Variants in CAMKMT observed in about 807,000 individuals in gnomAD.
CAMKMT encodes the protein calmodulin-lysine N-methyltransferase.
Under a neutral mutation model 48.0 loss-of-function variants are expected in CAMKMT, and 53 were observed. The ratio of observed to expected loss-of-function variants is 1.10; its 90% CI spans 0.89 to 1.39. The LOEUF (loss-of-function observed/expected upper bound fraction) is 1.39. CAMKMT is among the 40% of genes most tolerant of loss of function. The pLI is 0.00. For missense variants in CAMKMT, 428 were observed against 402.7 expected (o/e 1.06, Z -0.54); for synonymous variants, 165 against 152.3 (o/e 1.08, Z -0.61).
At chr2:44,623,708 A>C (rs1414804142) in intron 3 of CAMKMT, among the ~76,000 whole-genome samples, 4 of 152,048 alleles carry the variant, frequency 2.6e-5, no homozygotes, top group Non-Finnish European at 5.9e-5. Flanking sequence ...ATGAGTTTTA[A>C]TGAATGTATA....
rs144276541 is a variant in CAMKMT at position 44,517,025 on chromosome 2, A to C, written c.376+126720A>C. ...CCAAAGTGCTGGGATTACAGGCATG[A>C]GCCACCCTGCCCGGCCTTGTGGTTT... is the stretch of plus-strand genomic sequence containing the variant. On this transcript the variant is annotated intron_variant, in intron 3 of 10. Coordinates refer to ENST00000378494, the MANE Select transcript of CAMKMT (RefSeq NM_024766.5). Among the ~76,000 whole-genome samples, 899 of 152,226 alleles carry C rather than the reference A, an allele frequency of 5.9e-3. 11 individuals are homozygous for C. Among genetic ancestry groups the C allele is most frequent in the African/African-American group, 0.02 (847 of 41,524 alleles).
At chr2:44,746,782 T>C (rs567540131) in intron 8 of CAMKMT, among the ~76,000 whole-genome samples, 1 of 152,226 alleles carries the variant, frequency 6.6e-6, no homozygotes, top group Non-Finnish European at 1.5e-5. Context: ...TTGAGTTTAA[T>C]ATAAGGATTC....
At chr2:44,455,623 G>C (rs1667522449) in intron 3 of CAMKMT, among the ~76,000 whole-genome samples, 1 of 152,200 alleles carries the variant, frequency 6.6e-6, no homozygotes, top group South Asian at 2.1e-4. Flanking sequence ...GAGCTTGACT[G>C]CCTGGGCTTA....
chr2:44,523,770 A>ATTTTTTTTTT, intron 3 of CAMKMT, among the ~76,000 whole-genome samples: 1 of 89,880 alleles, frequency 1.1e-5, no homozygotes, highest in Non-Finnish European at 2.2e-5. Flanking sequence ...GAGAGCGAGC[A>ATTTTTTTTTT]TTTTTTTTTT....
At chr2:44,638,939 GA>G (rs1173817069) in intron 3 of CAMKMT, among the ~76,000 whole-genome samples, 6 of 152,202 alleles carry the variant, frequency 3.9e-5, no homozygotes, top group African/African-American at 1.4e-4. Context: ...TTCAAGTGGG[GA>G]AAAAGATTAT....
At chr2:44,436,084 C>G (rs1217619071) in intron 3 of CAMKMT, among the ~76,000 whole-genome samples, 1 of 151,590 alleles carries the variant, frequency 6.6e-6, no homozygotes, top group Non-Finnish European at 1.5e-5. Context: ...TTTCTTTTTT[C>G]TTGTTTTTTG....
intron 4 of CAMKMT, among the ~76,000 whole-genome samples, chr2:44,704,588 A>ATG (rs1385904446): frequency 6.6e-6 from 1 of 151,670 alleles, no homozygotes; most frequent in Non-Finnish European, 1.5e-5. Flanking sequence ...TATATGTCAA[A>ATG]GGCTTTTGAT....
chr2:44,706,613 A>ATTTTTTTTTTTTT (rs35364346), intron 5 of CAMKMT, among the ~76,000 whole-genome samples: 2 of 136,226 alleles, frequency 1.5e-5, no homozygotes, highest in Non-Finnish European at 1.6e-5. Flanking sequence ...TAGCGAAAGC[A>ATTTTTTTTTTTTT]TTTTTTTTTT....
At chr2:44,372,635 A>G in intron 1 of CAMKMT, 81 bp from the exon 2 acceptor site, 1 of 1,251,634 alleles carries the variant, frequency 8.0e-7, no homozygotes, top group Non-Finnish European at 1.1e-6. Flanking sequence ...TCCCCTTACC[A>G]CTTAAATTTT....
chr2:44,528,844 T>G lies in CAMKMT; in HGVS notation c.376+138539T>G, dbSNP rs578031819. Reference sequence around the variant, plus strand: ...TGAACTGGCAGGTTACTTAAGAAGTTTGATCTGATTCCAGGGTGTTTTTTT... The same window carrying G: ...TGAACTGGCAGGTTACTTAAGAAGTGTGATCTGATTCCAGGGTGTTTTTTT... On this transcript the variant is annotated intron_variant, in intron 3 of 10. Coordinates refer to ENST00000378494, the MANE Select transcript of CAMKMT (RefSeq NM_024766.5). Among the ~76,000 whole-genome samples, 4 of 152,242 alleles carry G rather than the reference T, an allele frequency of 2.6e-5. No homozygotes were observed. The South Asian group carries it at 8.3e-4, about 32-fold the overall frequency.
At chr2:44,608,023 C>G (rs1465299645) in intron 3 of CAMKMT, among the ~76,000 whole-genome samples, 2 of 150,340 alleles carry the variant, frequency 1.3e-5, no homozygotes, top group African/African-American at 4.9e-5. Context: ...TCCTTAAATA[C>G]TTTCATATGT....
chr2:44,601,746 A>C (rs931935089), intron 3 of CAMKMT, among the ~76,000 whole-genome samples: 2 of 151,870 alleles, frequency 1.3e-5, no homozygotes, highest in Non-Finnish European at 2.9e-5. Flanking sequence ...AGTTATTTTT[A>C]AAACCAGAAG....
intron 3 of CAMKMT, among the ~76,000 whole-genome samples, chr2:44,547,703 T>A (rs375382019): frequency 1.4e-4 from 21 of 151,288 alleles, no homozygotes; most frequent in African/African-American, 4.6e-4. Context: ...TATCATTTCC[T>A]CATTTGAAAT....
chr2:44,704,262 T>G, intron 3 of CAMKMT, 21 bp from the exon 4 acceptor site: 1 of 1,603,488 alleles, frequency 6.2e-7, no homozygotes. Context: ...ATCAAAAGGT[T>G]TATCCTCTTG....
intron 2 of CAMKMT, among the ~76,000 whole-genome samples, chr2:44,386,934 T>C (rs10211137): frequency 0.17 from 25,484 of 152,084 alleles, 4,201 homozygotes; most frequent in African/African-American, 0.42. Context: ...TTATGGCCTA[T>C]CATATGGTCT....
At chr2:44,557,835 A>G (rs1668096594) in intron 3 of CAMKMT, among the ~76,000 whole-genome samples, 1 of 152,122 alleles carries the variant, frequency 6.6e-6, no homozygotes, top group Non-Finnish European at 1.5e-5. Flanking sequence ...TAAGGAATAG[A>G]CAAAGAAGGA....
intron 10 of CAMKMT, among the ~76,000 whole-genome samples, chr2:44,768,235 T>C (rs1184275719): frequency 6.6e-6 from 1 of 151,822 alleles, no homozygotes; most frequent in Non-Finnish European, 1.5e-5. Context: ...TACATTGGAC[T>C]AAGAAATAGT....
At chr2:44,433,864 G>A (rs1684792786) in intron 3 of CAMKMT, among the ~76,000 whole-genome samples, 1 of 152,046 alleles carries the variant, frequency 6.6e-6, no homozygotes, top group South Asian at 2.1e-4. Flanking sequence ...TGCTATAGTG[G>A]GATCTCACCA....
chr2:44,585,482 A>T lies in CAMKMT; in HGVS notation c.377-118801A>T, dbSNP rs192266979. 6.6e-5 allele frequency among the ~76,000 whole-genome samples: 10 copies of T among 152,320 alleles called. No individual in the cohort carries two copies. In the East Asian group the frequency reaches 1.9e-3, roughly 29 times the overall value. On this transcript the variant is annotated intron_variant, in intron 3 of 10. Transcript: ENST00000378494. ...TGGGGGGTTATATTTGAAAAGTGTTATGAAGGGCTTAGTGTCAACCATGAA... is the reference window on the plus strand; with the variant it reads ...TGGGGGGTTATATTTGAAAAGTGTTTTGAAGGGCTTAGTGTCAACCATGAA...
Sources: allele counts gnomAD v4.1 joint callset (sites outside exome capture counted in the v4.1 genomes callset), GRCh38; gene constraint gnomAD v4.1.1; transcripts MANE v1.5; gene names NCBI Gene and HGNC (gene_info 2026-07-23, HGNC 2026-07-21).